Variants in WDR90 observed in about 807,000 individuals in gnomAD.
WDR90 encodes the protein WD repeat-containing protein 90.
In WDR90, 238 loss-of-function variants were observed where a neutral mutation model predicts 195.2. The observed-to-expected ratio is 1.22, with a 90% CI of 1.10 to 1.36. The LOEUF is 1.36. Among genes scored for constraint, WDR90 ranks in the 40% most tolerant of loss-of-function variants. The pLI is 0.00. For missense variants in WDR90, 2,734 were observed against 2,439.5 expected, an observed-to-expected ratio of 1.12 and a Z score of -2.54; for synonymous variants, 1,265 against 1,052.4, an observed-to-expected ratio of 1.20 and a Z score of -3.91.
chr16:664,434 T>C (rs533094611), intron 34 of WDR90, among the ~76,000 whole-genome samples: 1 of 152,256 alleles, frequency 6.6e-6, no homozygotes, highest in Admixed American at 6.5e-5. Flanking sequence ...ATAGATCATG[T>C]GTGTGTCCAT....
At chr16:664,035 C>G (rs545470766) in intron 34 of WDR90, among the ~76,000 whole-genome samples, 1 of 152,126 alleles carries the variant, frequency 6.6e-6, no homozygotes. Flanking sequence ...TTGGAGATGA[C>G]GATAGCCAGC....
intron 2 of WDR90, 63 bp from the exon 3 acceptor site, chr16:649,927 GC>G: frequency 1.2e-6 from 2 of 1,602,942 alleles, no homozygotes; most frequent in South Asian, 1.1e-5. Flanking sequence ...GCCCCCGAGG[GC>G]CCCCTCGCCC....
In WDR90 at chr16:655,311, GCGT is replaced by G. The variant is rs1457097376; in HGVS notation, c.1565_1567del (p.Ser522del). 2 of 1,605,988 alleles carry G rather than the reference GCGT, an allele frequency of 1.2e-6. No homozygotes were observed. The highest frequency in any genetic ancestry group is 1.7e-6 in the Non-Finnish European group (2 of 1,179,694). ...CTCAGTCCTCATTCCTTGCAGGATG[GCGT>G]CGTGCGGGCAGGGCAGTGTGCGGCT... On this transcript the variant is annotated inframe_deletion, in exon 15 of 41. Coordinates refer to ENST00000293879, the MANE Select transcript of WDR90 (RefSeq NM_145294.5).
At chr16:649,910 C>G (rs1472909532) in intron 2 of WDR90, 56 bp downstream of exon 2, 3 of 1,590,644 alleles carry the variant, frequency 1.9e-6, no homozygotes, top group Non-Finnish European at 2.6e-6. Flanking sequence ...CCCAGGAGAG[C>G]TGCCCCGCCC....
At chr16:665,823 C>CG in intron 35 of WDR90, 22 bp downstream of exon 35, 2 of 1,389,988 alleles carry the variant, frequency 1.4e-6, no homozygotes, top group South Asian at 1.5e-5. Context: ...GTGCCCGGGC[C>CG]GGGGGCGGGA....
Position 649,437 on chromosome 16 carries a change from G to C in WDR90, c.10+11G>C. On this transcript the variant is annotated intron_variant, in intron 1 of 40. Transcript: ENST00000293879. ...GCGCCATGGCCCGAGGTAGCGCGCG[G>C]CTGGCGGGGGTCCCGAGGATCCCGG... is the stretch of plus-strand genomic sequence containing the variant. The C allele has an allele frequency of 7.7e-7, 1 of 1,299,842 alleles. No individual in the cohort carries two copies. Among genetic ancestry groups the C allele is most frequent in the South Asian group, 2.3e-5 (1 of 43,330 alleles). 80.5% of individuals were successfully genotyped at this position (1,299,842 alleles called of 1,614,324 possible). A position where few individuals can be genotyped will look rare whatever the true frequency, so the allele number is the denominator to read the frequency against.
In WDR90 at chr16:657,762, C is replaced by T. The variant is rs772626875; in HGVS notation, c.2474C>T (p.Ala825Val). The change falls in exon 21 of 41, where the codon GCG becomes GTG. Residue 825 changes from alanine (A) to valine (V), a missense_variant and splice_region_variant. By Grantham distance (64) the Ala-to-Val change is moderately conservative. Coordinates refer to ENST00000293879, the MANE Select transcript of WDR90 (RefSeq NM_145294.5). ...DPQWHVLRVAADMVCPDAPAS... is the reference protein window; with the variant it reads ...DPQWHVLRVAVDMVCPDAPAS... ...TGACCCCTGCCCCGTGTGGCCACAG[C>T]GGACATGGTATGCCCGGATGCCCCC... The T allele has an allele frequency of 6.5e-6, 10 of 1,546,414 alleles. No homozygotes were observed. Among genetic ancestry groups the T allele is most frequent in the African/African-American group, 4.1e-5 (3 of 72,972 alleles).
At chr16:651,609 C>T in intron 7 of WDR90, 35 bp from the exon 8 acceptor site, 1 of 1,601,160 alleles carries the variant, frequency 6.2e-7, no homozygotes, top group Non-Finnish European at 8.5e-7. Context: ...GCACAGCTGG[C>T]CCCTGGGTCA....
At chr16:656,921 T>G in intron 19 of WDR90, 50 bp downstream of exon 19, 1 of 1,590,920 alleles carries the variant, frequency 6.3e-7, no homozygotes, top group African/African-American at 1.3e-5. Flanking sequence ...CGGTGGAAGC[T>G]GGGGTGGCCA....
chr16:662,492 C>G, intron 33 of WDR90, 161 bp downstream of exon 33: 3 of 1,190,412 alleles, frequency 2.5e-6, no homozygotes, highest in South Asian at 3.0e-5. Flanking sequence ...GCCTCACTGG[C>G]TGCTGTCGAG....
In WDR90 at chr16:656,358, T is replaced by C; in HGVS notation, c.2023T>C (p.Ser675Pro). 6.2e-7 allele frequency: 1 copy of C among 1,609,696 alleles called. No homozygotes were observed. Among genetic ancestry groups the C allele is most frequent in the Middle Eastern group, 2.2e-4 (1 of 4,466 alleles). The change falls in exon 18 of 41, where the codon TCT becomes CCT. Residue 675 changes from serine (S) to proline (P), a missense_variant. By Grantham distance (74) the Ser-to-Pro change is moderately conservative (BLOSUM62 -1). Transcript: ENST00000293879. ...CVSPDGLRVL[S>P]ATSSGHLGFL... Reference sequence around the variant, plus strand: ...CAGCCCCGATGGCCTCCGTGTGCTGTCTGCCACCTCCTCGGGCCACCTGGG... The same window carrying C: ...CAGCCCCGATGGCCTCCGTGTGCTGCCTGCCACCTCCTCGGGCCACCTGGG...
At chr16:660,812 G>A (rs1283775107) in intron 28 of WDR90, 98 bp downstream of exon 28, 14 of 1,319,838 alleles carry the variant, frequency 1.1e-5, no homozygotes, top group East Asian at 2.6e-5. Flanking sequence ...GCAAATGAGC[G>A]CCAGCCATCA....
chr16:652,723 C>G (rs1263796298), intron 10 of WDR90, among the ~76,000 whole-genome samples, 188 bp downstream of exon 10: 2 of 152,244 alleles, frequency 1.3e-5, no homozygotes, highest in Admixed American at 1.3e-4. Flanking sequence ...CTGCCCCGCC[C>G]ACAGCTGCTG....
At position 658,615 on chromosome 16, in the gene WDR90, G is replaced by A; in HGVS notation, c.2857G>A (p.Val953Met). 4.3e-6 allele frequency: 7 copies of A among 1,612,670 alleles called. No individual in the cohort carries two copies. Among genetic ancestry groups the A allele is most frequent in the Non-Finnish European group, 5.9e-6 (7 of 1,179,898 alleles). The change falls in exon 23 of 41, where the codon GTG (valine) becomes ATG (methionine). Residue 953 changes from valine to methionine, a missense_variant. Coordinates refer to ENST00000293879, the MANE Select transcript of WDR90 (RefSeq NM_145294.5). ...GATTGCCGCCGGCCGGACCATCAAG[G>A]TGTGGGACTACGCCACACAGGCCAG... ...LLIAAGRTIKVWDYATQASPG... is the reference protein window; with the variant it reads ...LLIAAGRTIKMWDYATQASPG...
chr16:650,869 C>A, intron 5 of WDR90, 126 bp from the exon 6 acceptor site: 2 of 1,470,904 alleles, frequency 1.4e-6, no homozygotes, highest in Non-Finnish European at 1.9e-6. Context: ...GGTCAGAACC[C>A]ATCCCAGAGG....
intron 21 of WDR90, 108 bp from the exon 22 acceptor site, chr16:658,075 C>G (rs1001257429): frequency 5.5e-5 from 82 of 1,485,852 alleles, no homozygotes; most frequent in Admixed American, 4.6e-4. Context: ...GCAGGTGCTG[C>G]CTGGGTGCCG....
chr16:650,177 C>CCG lies in WDR90; in HGVS notation c.279+13_279+14dup. On this transcript the variant is annotated intron_variant, in intron 3 of 40. Coordinates refer to ENST00000293879, the MANE Select transcript of WDR90 (RefSeq NM_145294.5). Reference sequence around the variant, plus strand: ...CGATGTGTCCTCCAAGGTACGGAGCCCGCGGCTGGGGGCTGCGTGGGAGCC... The same window carrying CCG: ...CGATGTGTCCTCCAAGGTACGGAGCCCGCGCGGCTGGGGGCTGCGTGGGAGCC... 1 of 1,611,522 alleles carries CCG rather than the reference C, an allele frequency of 6.2e-7. No homozygotes were observed. The highest frequency in any genetic ancestry group is 8.5e-7 in the Non-Finnish European group (1 of 1,178,808).
chr16:666,072 C>T lies in WDR90; in HGVS notation c.4557C>T (p.Leu1519=). 6.2e-7 allele frequency: 1 copy of T among 1,609,432 alleles called. No individual in the cohort carries two copies. Among genetic ancestry groups the T allele is most frequent in the South Asian group, 1.1e-5 (1 of 91,054 alleles). ...GCGTCTCCCGCACGGCCATGGAGCT[C>T]AAGATGCACCCCCACCCGGTGGCGC... ...IFSVSRTAME[L]KMHPHPVALT... is the part of the protein sequence containing the mutation. Residue 1519 remains leucine (L), a synonymous_variant, in exon 36 of 41, where the codon CTC becomes CTT. Coordinates refer to ENST00000293879, the MANE Select transcript of WDR90 (RefSeq NM_145294.5).
At chr16:663,429 A>C in intron 34 of WDR90, 1 of 160,644 alleles carries the variant, frequency 6.2e-6, no homozygotes, top group South Asian at 8.1e-5. Context: ...CAGAGACTCC[A>C]TCTCAAAGGA....
Sources: allele counts gnomAD v4.1 joint callset (sites outside exome capture counted in the v4.1 genomes callset), GRCh38; gene constraint gnomAD v4.1.1; transcripts MANE v1.5; gene names NCBI Gene and HGNC (gene_info 2026-07-23, HGNC 2026-07-21).